Variants in GPR158 observed in about 807,000 individuals in gnomAD.
GPR158 encodes the protein metabotropic glycine receptor.
A neutral mutation model predicts 78.2 loss-of-function variants in GPR158; 30 were observed. That is an observed-to-expected ratio of 0.38 (90% confidence interval 0.29 to 0.52). GPR158 has a LOEUF of 0.52. Ranked by LOEUF, GPR158 falls within the 20% of genes least tolerant of loss-of-function variation. GPR158 has a pLI of 0.83. For synonymous variants in GPR158, 581 were observed against 591.1 expected (o/e 0.98, Z 0.25); for missense variants, 1,463 against 1,523.5 (o/e 0.96, Z 0.66).
intron 2 of GPR158, among the ~76,000 whole-genome samples, chr10:25,241,179 TTC>T (rs1366534388): frequency 1.9e-5 from 2 of 107,332 alleles, no homozygotes; most frequent in East Asian, 3.3e-4. Flanking sequence ...CTTTCTTTCT[TTC>T]TTTCTTTCCT....
chr10:25,482,596 C>A (rs1474781517), intron 5 of GPR158, among the ~76,000 whole-genome samples: 1 of 152,144 alleles, frequency 6.6e-6, no homozygotes, highest in Non-Finnish European at 1.5e-5. Context: ...TTTGGTACAG[C>A]TATAACTCAG....
chr10:25,545,929 A>G (rs544414853), intron 5 of GPR158, among the ~76,000 whole-genome samples: 2 of 152,304 alleles, frequency 1.3e-5, no homozygotes, highest in African/African-American at 2.4e-5. Context: ...ACATTAAACA[A>G]ATGAATTACA....
chr10:25,308,964 C>G (rs1285330939), intron 2 of GPR158, among the ~76,000 whole-genome samples: 1 of 152,096 alleles, frequency 6.6e-6, no homozygotes. Context: ...TTGATGGACA[C>G]TTGGGTTGTT....
At chr10:25,531,034 T>A (rs1446408135) in intron 5 of GPR158, among the ~76,000 whole-genome samples, 1 of 152,222 alleles carries the variant, frequency 6.6e-6, no homozygotes, top group East Asian at 1.9e-4. Context: ...CAGATACATG[T>A]CTAGGGATCT....
intron 2 of GPR158, among the ~76,000 whole-genome samples, chr10:25,334,736 C>T (rs146272926): frequency 2.6e-5 from 4 of 151,972 alleles, no homozygotes; most frequent in African/African-American, 9.6e-5. Flanking sequence ...TCCTTTACTA[C>T]CTCATAAAAT....
rs755960386 is a variant in GPR158 at position 25,189,868 on chromosome 10, GTGTGTA to G, written c.902+13556_902+13561del. On this transcript the variant is annotated intron_variant, in intron 1 of 10. Coordinates refer to ENST00000376351, the MANE Select transcript of GPR158 (RefSeq NM_020752.3). ...TGTGTGTGTGTGTGTGTGTGTGTGT[GTGTGTA>G]TGTGTATGTACCTGGAAGAACAGAA... is the stretch of plus-strand genomic sequence containing the variant. Among the ~76,000 whole-genome samples, 30 of 146,410 alleles carry G rather than the reference GTGTGTA, an allele frequency of 2.0e-4. No homozygotes were observed. In the East Asian group the frequency reaches 3.8e-3, roughly 19 times the overall value.
intron 4 of GPR158, among the ~76,000 whole-genome samples, chr10:25,439,706 C>G (rs1016932874): frequency 6.6e-6 from 1 of 152,178 alleles, no homozygotes; most frequent in Non-Finnish European, 1.5e-5. Flanking sequence ...TTTATACCCT[C>G]CACTCCTTGG....
chr10:25,395,221 G>A (rs574376835), intron 2 of GPR158, among the ~76,000 whole-genome samples: 21 of 152,202 alleles, frequency 1.4e-4, no homozygotes, highest in African/African-American at 4.6e-4. Context: ...AAATTTTGGG[G>A]AGATGTCTAT....
chr10:25,538,040 A>C (rs1205406576), intron 5 of GPR158, among the ~76,000 whole-genome samples: 4 of 152,184 alleles, frequency 2.6e-5, no homozygotes, highest in Non-Finnish European at 5.9e-5. Context: ...GAAAAGATCA[A>C]TCTTTTCAAA....
intron 2 of GPR158, among the ~76,000 whole-genome samples, chr10:25,227,006 A>C (rs60781827): frequency 4.1e-4 from 62 of 152,152 alleles, no homozygotes; most frequent in African/African-American, 1.2e-3. Flanking sequence ...ATGGATGCTT[A>C]TTTGTTTTTG....
At chr10:25,318,226 A>G (rs1564420768) in intron 2 of GPR158, among the ~76,000 whole-genome samples, 1 of 151,878 alleles carries the variant, frequency 6.6e-6, no homozygotes, top group Non-Finnish European at 1.5e-5. Context: ...TATGTGTCTT[A>G]CAGTATCCTC....
intron 2 of GPR158, among the ~76,000 whole-genome samples, chr10:25,338,585 ATAT>A (rs1444346395): frequency 1.4e-5 from 2 of 146,478 alleles, no homozygotes; most frequent in Non-Finnish European, 3.0e-5. Context: ...TATATAATAC[ATAT>A]TATATATATT....
intron 4 of GPR158, among the ~76,000 whole-genome samples, chr10:25,454,175 G>A (rs2130604654): frequency 8.5e-6 from 1 of 117,742 alleles, no homozygotes; most frequent in East Asian, 2.9e-4. Flanking sequence ...TTCTTTTTAG[G>A]CTATTGAAAA....
intron 2 of GPR158, among the ~76,000 whole-genome samples, chr10:25,271,868 G>A (rs1854122978): frequency 1.3e-5 from 2 of 151,796 alleles, no homozygotes; most frequent in Admixed American, 1.3e-4. Flanking sequence ...TTGAACTCTT[G>A]ACCTCAGGTG....
At chr10:25,391,755 T>A (rs1048011219) in intron 2 of GPR158, among the ~76,000 whole-genome samples, 12 of 152,112 alleles carry the variant, frequency 7.9e-5, no homozygotes, top group African/African-American at 2.9e-4. Context: ...GGGGAACAGT[T>A]GGGAAGGCAT....
chr10:25,585,057 GCTGT>G (rs1215033430), intron 7 of GPR158, among the ~76,000 whole-genome samples: 1 of 152,196 alleles, frequency 6.6e-6, no homozygotes, highest in Non-Finnish European at 1.5e-5. Flanking sequence ...CAGCTATTTG[GCTGT>G]CTATGATTGG....
intron 4 of GPR158, among the ~76,000 whole-genome samples, chr10:25,431,858 G>T (rs936811559): frequency 1.3e-5 from 2 of 151,548 alleles, no homozygotes; most frequent in Admixed American, 6.6e-5. Flanking sequence ...GGGGACTGTT[G>T]TGGGGTTGGG....
Position 25,599,442 on chromosome 10 carries a change from A to C in GPR158, c.*168A>C. ...AGAGGACCAGGGGGGCAAGAGCAACAACGTCATAATGGAGAAGTCAGACTT... is the reference window on the plus strand; with the variant it reads ...AGAGGACCAGGGGGGCAAGAGCAACCACGTCATAATGGAGAAGTCAGACTT... On this transcript the variant is annotated 3_prime_UTR_variant, in exon 11 of 11. Coordinates refer to ENST00000376351, the MANE Select transcript of GPR158 (RefSeq NM_020752.3). 1 of 595,820 alleles carries C rather than the reference A, an allele frequency of 1.7e-6. No individual in the cohort carries two copies. Among genetic ancestry groups the C allele is most frequent in the East Asian group, 2.8e-5 (1 of 35,898 alleles). 36.9% of individuals were successfully genotyped at this position (595,820 alleles called of 1,614,324 possible).
intron 2 of GPR158, among the ~76,000 whole-genome samples, chr10:25,287,385 T>C (rs1279971916): frequency 2.0e-5 from 3 of 152,096 alleles, no homozygotes; most frequent in Non-Finnish European, 4.4e-5. Context: ...ATGTCTTTTT[T>C]TGAGTCTTTT....
Sources: allele counts gnomAD v4.1 joint callset (sites outside exome capture counted in the v4.1 genomes callset), GRCh38; gene constraint gnomAD v4.1.1; transcripts MANE v1.5; gene names NCBI Gene and HGNC (gene_info 2026-07-23, HGNC 2026-07-21).